Variants in WIPI2 observed in about 807,000 individuals in gnomAD.
The protein encoded by WIPI2 is WD repeat domain phosphoinositide-interacting protein 2.
In WIPI2, 28 loss-of-function variants were observed where a neutral mutation model predicts 52.3. The ratio of observed to expected loss-of-function variants is 0.54; its 90% CI spans 0.40 to 0.73. WIPI2 has a LOEUF of 0.73. Ranked by LOEUF, WIPI2 falls within the 30% of genes least tolerant of loss-of-function variation. The pLI is 0.00. For synonymous variants in WIPI2, 268 were observed against 245.0 expected, an observed-to-expected ratio of 1.09 and a Z score of -0.88; for missense variants, 506 against 602.9, an observed-to-expected ratio of 0.84 and a Z score of 1.68.
chr7:5,217,454 A>G (rs958330990), intron 6 of WIPI2: 3 of 450,428 alleles, frequency 6.7e-6, no homozygotes, highest in Non-Finnish European at 1.2e-5. Flanking sequence ...ATGCAACACC[A>G]CACCCAGCTA....
intron 9 of WIPI2, chr7:5,226,178 G>A (rs1316866196): frequency 4.3e-6 from 2 of 467,028 alleles, no homozygotes; most frequent in East Asian, 3.8e-5. Flanking sequence ...GGGCATGGAG[G>A]GCCCAGGTGG....
intron 8 of WIPI2, among the ~76,000 whole-genome samples, chr7:5,223,799 G>A (rs1783273607): frequency 6.6e-6 from 1 of 152,076 alleles, no homozygotes. Flanking sequence ...AGCGCCACTT[G>A]CCACCCCCGC....
Position 5,190,317 on chromosome 7 carries a change from G to A in WIPI2, c.-103G>A. 1 of 740,284 alleles carries A rather than the reference G, an allele frequency of 1.4e-6. No homozygotes were observed. Among genetic ancestry groups the A allele is most frequent in the East Asian group, 4.4e-5 (1 of 22,638 alleles). The allele number at this position is 740,284 out of a possible 1,614,324, so 45.9% of individuals were successfully genotyped here. ...TGATCCCAGGGTGGCGAGTGGCGGCGACCGAGGCGGCGAGCGGGGCCCGGC... is the reference window on the plus strand; with the variant it reads ...TGATCCCAGGGTGGCGAGTGGCGGCAACCGAGGCGGCGAGCGGGGCCCGGC... On this transcript the variant is annotated 5_prime_UTR_variant, in exon 1 of 13. Coordinates refer to ENST00000288828, the MANE Select transcript of WIPI2 (RefSeq NM_015610.4).
intron 6 of WIPI2, 198 bp downstream of exon 6, chr7:5,217,385 G>A (rs1782868753): frequency 1.7e-6 from 1 of 588,344 alleles, no homozygotes; most frequent in Non-Finnish European, 3.1e-6. Context: ...GCTCACTGCA[G>A]CCTCAACCTC....
At chr7:5,194,616 A>G (rs745964722) in intron 2 of WIPI2, among the ~76,000 whole-genome samples, 194 of 152,248 alleles carry the variant, frequency 1.3e-3, no homozygotes, top group Admixed American at 4.2e-3. Flanking sequence ...TCAAAAATAT[A>G]CATTTTCTAA....
chr7:5,191,316 G>A (rs1448219014), intron 1 of WIPI2, among the ~76,000 whole-genome samples: 2 of 152,230 alleles, frequency 1.3e-5, no homozygotes, highest in South Asian at 2.1e-4. Flanking sequence ...GCCACCGTGC[G>A]CGGCCCTCCC....
chr7:5,214,751 A>G (rs370985106), intron 4 of WIPI2, 47 bp downstream of exon 4: 43 of 1,603,178 alleles, frequency 2.7e-5, no homozygotes, highest in Non-Finnish European at 3.4e-5. Flanking sequence ...TGCTCCCTCC[A>G]GCACTCTGGG....
rs1174990022 is a variant in WIPI2, at chr7:5,227,130, TC to T, written c.849-44del. ...CGTCTGTGTGAGTAGGGGGTGGCCG[TC>T]CCCCCAGGGAGGGTGCAGCTTCATG... On this transcript the variant is annotated intron_variant, in intron 9 of 12. Transcript: ENST00000288828. This position sits in a 1 kb window ranked among gnomAD's most constrained non-coding sequence, Gnocchi z 8.1. 1 of 1,604,884 alleles carries T rather than the reference TC, an allele frequency of 6.2e-7. No homozygotes were observed. The highest frequency in any genetic ancestry group is 1.3e-5 in the African/African-American group (1 of 74,646).
At chr7:5,219,355 AC>A (rs1782975844) in intron 7 of WIPI2, among the ~76,000 whole-genome samples, 1 of 152,042 alleles carries the variant, frequency 6.6e-6, no homozygotes, top group Non-Finnish European at 1.5e-5. Context: ...AAATTCTGTT[AC>A]CCTTTGACTA....
rs1285652486 is a variant in WIPI2 at position 5,232,511 on chromosome 7, C to T, written c.*1564C>T. On this transcript the variant is annotated 3_prime_UTR_variant, in exon 13 of 13. Transcript: ENST00000288828. ...GATTGAACTTTTCCTTCAAAACCTG[C>T]TTGTCTGTCCTGGACCTTTGATGAA... 2 of 394,428 alleles carry T rather than the reference C, an allele frequency of 5.1e-6. No homozygotes were observed. Among genetic ancestry groups the T allele is most frequent in the African/African-American group, 2.1e-5 (1 of 48,604 alleles). 24.4% of individuals were successfully genotyped at this position (394,428 alleles called of 1,614,324 possible).
intron 1 of WIPI2, chr7:5,190,698 C>A (rs996339183): frequency 7.2e-6 from 3 of 418,182 alleles, no homozygotes; most frequent in African/African-American, 4.2e-5. Context: ...CCTGGAGCTG[C>A]GGTCCCGGAG....
chr7:5,229,764 A>T lies in WIPI2; in HGVS notation c.1252+26A>T, dbSNP rs1278064193. 3.7e-6 allele frequency: 6 copies of T among 1,611,706 alleles called. No individual in the cohort carries two copies. The Admixed American group carries it at 8.3e-5, about 22-fold the overall frequency. On this transcript the variant is annotated intron_variant, in intron 12 of 12. Transcript: ENST00000288828. ...GTAAGGGGCGTGACGCAAACCTGGA[A>T]GGTAATTAGCCCCACAGCCCCGAGT...
At chr7:5,206,159 C>G (rs1340222547) in intron 3 of WIPI2, among the ~76,000 whole-genome samples, 9 of 152,024 alleles carry the variant, frequency 5.9e-5, no homozygotes, top group Non-Finnish European at 8.8e-5. Context: ...AAACATTTCC[C>G]AAGGTGGTCC....
chr7:5,220,169 C>T (rs1783039062), intron 7 of WIPI2, among the ~76,000 whole-genome samples: 2 of 151,778 alleles, frequency 1.3e-5, no homozygotes, highest in South Asian at 4.2e-4. Flanking sequence ...TATACTATCC[C>T]ATTGTATGAG....
chr7:5,197,134 A>C lies in WIPI2; in HGVS notation c.129-2442A>C, dbSNP rs957026771. On this transcript the variant is annotated intron_variant, in intron 2 of 12. Coordinates refer to ENST00000288828, the MANE Select transcript of WIPI2 (RefSeq NM_015610.4). The stretch of plus-strand genomic sequence containing the variant: ...CTCAAAAAACAAAAAAAAAAAAAAA[A>C]AAAAAAAAAAAACCATAAAATAAAT... Among the ~76,000 whole-genome samples, 60 of 149,334 alleles carry C rather than the reference A, an allele frequency of 4.0e-4. 1 individual carries two copies. In the East Asian group the frequency reaches 8.9e-3, roughly 22 times the overall value.
chr7:5,231,014 C>A lies in WIPI2; in HGVS notation c.*67C>A. 2 of 1,378,068 alleles carry A rather than the reference C, an allele frequency of 1.5e-6. No individual in the cohort carries two copies. Among genetic ancestry groups the A allele is most frequent in the Non-Finnish European group, 2.0e-6 (2 of 1,008,234 alleles). 85.4% of individuals were successfully genotyped at this position (1,378,068 alleles called of 1,614,324 possible). On this transcript the variant is annotated 3_prime_UTR_variant, in exon 13 of 13. Transcript: ENST00000288828. Reference sequence around the variant, plus strand: ...GCTTCACAGAGGACTTTGTGCATTGCTGCTATGAACTTTGACCTGAGTCGG... The same window carrying A: ...GCTTCACAGAGGACTTTGTGCATTGATGCTATGAACTTTGACCTGAGTCGG...
intron 3 of WIPI2, chr7:5,214,205 C>G (rs1562397252): frequency 4.1e-6 from 5 of 1,225,124 alleles, no homozygotes; most frequent in Non-Finnish European, 4.2e-6. Flanking sequence ...AAGGGAGCCC[C>G]TAGACCTTAC....
rs553734527 is a variant in WIPI2, at chr7:5,205,855, T to C, written c.211+6197T>C. On this transcript the variant is annotated intron_variant, in intron 3 of 12. Transcript: ENST00000288828. Reference sequence around the variant, plus strand: ...CTCAAACTGAGTTCTTTTTTTTTTTTCCCCCATGCAGTCATGTGCTGCCAC... The same window carrying C: ...CTCAAACTGAGTTCTTTTTTTTTTTCCCCCCATGCAGTCATGTGCTGCCAC... Among the ~76,000 whole-genome samples, 77 of 148,384 alleles carry C rather than the reference T, an allele frequency of 5.2e-4. 1 individual carries two copies. Among genetic ancestry groups the C allele is most frequent in the African/African-American group, 4.7e-4 (19 of 40,118 alleles).
intron 2 of WIPI2, among the ~76,000 whole-genome samples, chr7:5,194,441 C>A (rs1316299936): frequency 1.3e-5 from 2 of 152,194 alleles, no homozygotes; most frequent in Non-Finnish European, 2.9e-5. Flanking sequence ...AGCAAAAAAT[C>A]TGACTCACAT....
Sources: gnomAD v4.1 joint callset for allele counts (sites outside exome capture counted in the v4.1 genomes callset) on GRCh38, gnomAD v4.1.1 for gene constraint, Gnocchi (gnomAD v3.1) non-coding constraint, MANE v1.5 for transcripts, NCBI Gene and HGNC (gene_info 2026-07-23, HGNC 2026-07-21) for gene names.